ZKSCAN8: variants seen among roughly 807,000 people sequenced by gnomAD.
ZKSCAN8 encodes the protein zinc finger protein with KRAB and SCAN domains 8.
ZKSCAN8 carries 27 observed loss-of-function variants against 57.2 expected under a neutral mutation model. That is an observed-to-expected ratio of 0.47 (90% CI 0.35 to 0.65). The LOEUF (loss-of-function observed/expected upper bound fraction) is 0.65, where lower values mean the gene tolerates loss of function less well. ZKSCAN8 is among the 30% of genes least tolerant of loss of function. The pLI, the probability that ZKSCAN8 is intolerant of heterozygous loss-of-function variation, is 0.01. For missense variants in ZKSCAN8, 597 were observed against 696.3 expected, an observed-to-expected ratio of 0.86 and a Z score of 1.60; for synonymous variants, 214 against 248.7, an observed-to-expected ratio of 0.86 and a Z score of 1.31.
Position 28,153,594 on chromosome 6 carries a change from G to A in ZKSCAN8, c.1314G>A (p.Glu438=). The A allele has an allele frequency of 6.2e-7, 1 of 1,613,830 alleles. No individual in the cohort carries two copies. Among genetic ancestry groups the A allele is most frequent in the South Asian group, 1.1e-5 (1 of 91,064 alleles). ...GAGAGAGACCCTATGAATGTAATGAGTGTGGGAAAGCTTTCAGTCATAGCT... is the reference window on the plus strand; with the variant it reads ...GAGAGAGACCCTATGAATGTAATGAATGTGGGAAAGCTTTCAGTCATAGCT... ...HSGERPYECN[E]CGKAFSHSSH... is the part of the protein sequence containing the mutation. Residue 438 remains glutamate, a synonymous_variant, in exon 6 of 6, where the codon GAG becomes GAA. Transcript: ENST00000330236.
At position 28,144,217 on chromosome 6, in the gene ZKSCAN8, T is replaced by C. The variant is rs1379762887; in HGVS notation, c.-93+2188T>C. On this transcript the variant is annotated intron_variant, in intron 1 of 5. Transcript: ENST00000330236. This position sits in a 1 kb window ranked among gnomAD's most constrained non-coding sequence, Gnocchi z 4.5. ...ATTTGTTTGTATGTTTGTTTGTTTTTAACCTTCCTGGCATTCTTGGATGGC... is the reference window on the plus strand; with the variant it reads ...ATTTGTTTGTATGTTTGTTTGTTTTCAACCTTCCTGGCATTCTTGGATGGC... 6.6e-6 allele frequency: 1 copy of C among 152,338 alleles called. No individual in the cohort carries two copies. The highest frequency in any genetic ancestry group is 1.9e-4 in the East Asian group (1 of 5,186). 9.4% of individuals were successfully genotyped at this position (152,338 alleles called of 1,614,324 possible). A position where few individuals can be genotyped will look rare whatever the true frequency, so the allele number is the denominator to read the frequency against.
rs1330770216 is a variant in ZKSCAN8 at position 28,158,561 on chromosome 6, T to C, written c.*4544T>C. 6.6e-6 allele frequency: 1 copy of C among 152,204 alleles called. No individual in the cohort carries two copies. Among genetic ancestry groups the C allele is most frequent in the Non-Finnish European group, 1.5e-5 (1 of 68,038 alleles). 9.4% of individuals were successfully genotyped at this position (152,204 alleles called of 1,614,324 possible). ...TTTTTACCCCAGCCTTGGAGTTATC[T>C]TTTTCTGCTCTCCATTCTCCATGTC... On this transcript the variant is annotated 3_prime_UTR_variant, in exon 6 of 6. Transcript: ENST00000330236.
intron 2 of ZKSCAN8, 47 bp downstream of exon 2, chr6:28,148,871 G>A: frequency 6.4e-7 from 1 of 1,564,258 alleles, no homozygotes; most frequent in Non-Finnish European, 8.7e-7. Flanking sequence ...AGTCCTGGAA[G>A]CTTGGTAGAG....
chr6:28,153,145 T>C lies in ZKSCAN8; in HGVS notation c.865T>C (p.Cys289Arg). ...IQPHGETAAKCNGDVIRGLEH... is the reference protein window; with the variant it reads ...IQPHGETAAKRNGDVIRGLEH... ...GCCACATGGAGAGACAGCTGCCAAA[T>C]GCAACGGGGATGTTATCAGGGGTCT... Residue 289 changes from cysteine to arginine, a missense_variant, in exon 6 of 6, where the codon TGC (cysteine) becomes CGC (arginine). Transcript: ENST00000330236. 1 of 1,614,184 alleles carries C rather than the reference T, an allele frequency of 6.2e-7. No individual in the cohort carries two copies. The highest frequency in any genetic ancestry group is 1.1e-5 in the South Asian group (1 of 91,092).
At chr6:28,152,930 G>T (rs1457573541) in intron 5 of ZKSCAN8, 126 bp from the exon 6 acceptor site, 7 of 1,362,662 alleles carry the variant, frequency 5.1e-6, no homozygotes, top group Non-Finnish European at 7.0e-6. Context: ...GGAGACAGAA[G>T]TTTTGTGTTT....
intron 1 of ZKSCAN8, among the ~76,000 whole-genome samples, chr6:28,147,589 A>T (rs4713147): frequency 0.17 from 26,411 of 152,198 alleles, 3,086 homozygotes; most frequent in African/African-American, 0.32. Context: ...ATATTGTTCA[A>T]CTGGGAAATG....
chr6:28,147,747 G>A (rs1430611814), intron 1 of ZKSCAN8, among the ~76,000 whole-genome samples: 2 of 152,224 alleles, frequency 1.3e-5, no homozygotes, highest in African/African-American at 2.4e-5. Flanking sequence ...GAGTTTCTGA[G>A]TTGGAGGTCA....
intron 1 of ZKSCAN8, among the ~76,000 whole-genome samples, chr6:28,143,799 T>A (rs2113573104): frequency 6.6e-6 from 1 of 152,298 alleles, no homozygotes; most frequent in South Asian, 2.1e-4. Flanking sequence ...TTTAAGAAAA[T>A]TTAAGAGTTT....
chr6:28,146,097 G>A (rs1334517175), intron 1 of ZKSCAN8, among the ~76,000 whole-genome samples: 1 of 152,170 alleles, frequency 6.6e-6, no homozygotes, highest in African/African-American at 2.4e-5. Context: ...CAAAGAAATA[G>A]GATCATGAAA....
Position 28,153,589 on chromosome 6 carries a change from A to C in ZKSCAN8, c.1309A>C (p.Asn437His), listed in dbSNP as rs1765679794. The change falls in exon 6 of 6, where the codon AAT (asparagine) becomes CAT (histidine). Residue 437 changes from asparagine to histidine, a missense_variant. Coordinates refer to ENST00000330236, the MANE Select transcript of ZKSCAN8 (RefSeq NM_006298.4). ...CAGTGGAGAGAGACCCTATGAATGT[A>C]ATGAGTGTGGGAAAGCTTTCAGTCA... ...IHSGERPYEC[N>H]ECGKAFSHSS... 3 of 1,613,652 alleles carry C rather than the reference A, an allele frequency of 1.9e-6. No individual in the cohort carries two copies. The highest frequency in any genetic ancestry group is 2.5e-6 in the Non-Finnish European group (3 of 1,179,922).
At position 28,149,566 on chromosome 6, in the gene ZKSCAN8, G is replaced by C; in HGVS notation, c.501G>C (p.Gln167His). ...SASAPEPPNT[Q>H]LQSEATQHKS... ...CTGCACCAGAGCCTCCAAATACTCAGCTCCAATCTGAGGCAACCCAACATA... is the reference window on the plus strand; with the variant it reads ...CTGCACCAGAGCCTCCAAATACTCACCTCCAATCTGAGGCAACCCAACATA... Residue 167 changes from glutamine (Q) to histidine (H), a missense_variant, in exon 3 of 6, where the codon CAG (glutamine) becomes CAC (histidine). Physicochemically the swap from Gln to His is conservative, Grantham distance 24 (BLOSUM62 0). Coordinates refer to ENST00000330236, the MANE Select transcript of ZKSCAN8 (RefSeq NM_006298.4). The C allele has an allele frequency of 6.2e-7, 1 of 1,614,102 alleles. No homozygotes were observed. The highest frequency in any genetic ancestry group is 1.1e-5 in the South Asian group (1 of 91,072).
In ZKSCAN8 at chr6:28,148,623, A is replaced by G; in HGVS notation, c.216A>G (p.Leu72=). 6.2e-7 allele frequency: 1 copy of G among 1,614,116 alleles called. No homozygotes were observed. Among genetic ancestry groups the G allele is most frequent in the Non-Finnish European group, 8.5e-7 (1 of 1,180,000 alleles). The part of the protein sequence containing the change: ...TLGPREALIQ[L]RALCHQWLRP... The stretch of plus-strand genomic sequence containing the variant: ...GACCCCGAGAAGCTCTGATCCAACT[A>G]CGGGCCCTTTGCCATCAGTGGCTGA... The change falls in exon 2 of 6, where the codon CTA becomes CTG. Residue 72 remains leucine, a synonymous_variant. Coordinates refer to ENST00000330236, the MANE Select transcript of ZKSCAN8 (RefSeq NM_006298.4).
At chr6:28,151,639 T>A (rs1581525998) in intron 3 of ZKSCAN8, among the ~76,000 whole-genome samples, 1 of 152,240 alleles carries the variant, frequency 6.6e-6, no homozygotes, top group East Asian at 1.9e-4. Context: ...GTAACTTCAG[T>A]CTGACTTCAG....
Position 28,148,607 on chromosome 6 carries a change from A to C in ZKSCAN8, c.200A>C (p.Glu67Ala). The change falls in exon 2 of 6, where the codon GAA becomes GCA. Residue 67 changes from glutamate (E) to alanine (A), a missense_variant. Glu to Ala is a moderately radical substitution (Grantham distance 107). Coordinates refer to ENST00000330236, the MANE Select transcript of ZKSCAN8 (RefSeq NM_006298.4). ...LRYQETLGPREALIQLRALCH... is the reference protein window; with the variant it reads ...LRYQETLGPRAALIQLRALCH... Reference sequence around the variant, plus strand: ...TACCAGGAGACACTAGGACCCCGAGAAGCTCTGATCCAACTACGGGCCCTT... The same window carrying C: ...TACCAGGAGACACTAGGACCCCGAGCAGCTCTGATCCAACTACGGGCCCTT... 1 of 1,614,102 alleles carries C rather than the reference A, an allele frequency of 6.2e-7. No homozygotes were observed. Among genetic ancestry groups the C allele is most frequent in the Non-Finnish European group, 8.5e-7 (1 of 1,180,008 alleles).
At chr6:28,149,311 C>T (rs916594788) in intron 2 of ZKSCAN8, among the ~76,000 whole-genome samples, 172 bp from the exon 3 acceptor site, 1 of 152,168 alleles carries the variant, frequency 6.6e-6, no homozygotes, top group Non-Finnish European at 1.5e-5. Context: ...TGATGCCTTT[C>T]TTTCTGTGCT....
rs1765468645 is a variant in ZKSCAN8, at chr6:28,148,308, T to TCA, written c.-92-7_-92-6dup. ...TTGCCTTAACACTATCATATTTTCT[T>TCA]CATGAAGAAGTACCCTTAGAAAGAG... On this transcript the variant is annotated splice_region_variant and splice_polypyrimidine_tract_variant and intron_variant, in intron 1 of 5. Transcript: ENST00000330236. The TCA allele has an allele frequency of 7.8e-7, 1 of 1,281,734 alleles. No individual in the cohort carries two copies. The highest frequency in any genetic ancestry group is 1.5e-5 in the African/African-American group (1 of 66,890). The allele number at this position is 1,281,734 out of a possible 1,614,324, so 79.4% of individuals were successfully genotyped here. A position where few individuals can be genotyped will look rare whatever the true frequency, so the allele number is the denominator to read the frequency against.
chr6:28,146,953 C>G (rs939794507), intron 1 of ZKSCAN8, among the ~76,000 whole-genome samples: 1 of 151,914 alleles, frequency 6.6e-6, no homozygotes, highest in Admixed American at 6.6e-5. Flanking sequence ...AATGTAAAAC[C>G]TAAAACTATA....
intron 5 of ZKSCAN8, 149 bp downstream of exon 5, chr6:28,152,533 T>C: frequency 8.4e-7 from 1 of 1,190,782 alleles, no homozygotes; most frequent in South Asian, 1.9e-5. Flanking sequence ...TCTTGAAATC[T>C]TACGTGAAAC....
intron 3 of ZKSCAN8, 107 bp from the exon 4 acceptor site, chr6:28,151,738 C>T (rs1765596546): frequency 1.0e-5 from 9 of 893,184 alleles, no homozygotes; most frequent in Non-Finnish European, 1.6e-5. Flanking sequence ...AAATCTTTGG[C>T]ATACATGTAT....
Sources: gnomAD v4.1 joint callset for allele counts (sites outside exome capture counted in the v4.1 genomes callset) on GRCh38, gnomAD v4.1.1 for gene constraint, Gnocchi (gnomAD v3.1) non-coding constraint, MANE v1.5 for transcripts, NCBI Gene and HGNC (gene_info 2026-07-23, HGNC 2026-07-21) for gene names.